Variants in COL4A5 observed in about 807,000 individuals in gnomAD.
The protein encoded by COL4A5 is collagen type IV alpha 5 chain.
COL4A5 carries 26 observed loss-of-function variants against 130.2 expected under a neutral mutation model. The observed-to-expected ratio is 0.20, with a 90% CI of 0.15 to 0.28. The LOEUF (loss-of-function observed/expected upper bound fraction) is 0.28. Ranked by LOEUF, COL4A5 falls within the 10% of genes least tolerant of loss-of-function variation. COL4A5 has a pLI of 1.00. For missense variants in COL4A5, 1,131 were observed against 1,344.3 expected (o/e 0.84, Z 2.48); for synonymous variants, 496 against 439.6 (o/e 1.13, Z -1.60).
chrX:108,617,405 A>G (rs1365251968), intron 30 of COL4A5, among the ~76,000 whole-genome samples: 3 of 111,789 alleles, frequency 2.7e-5, no homozygotes, highest in African/African-American at 9.7e-5. Context: ...TCTCTACTGT[A>G]GAATGTTTAC....
At chrX:108,603,388 A>C (rs991570658) in intron 28 of COL4A5, among the ~76,000 whole-genome samples, 1 of 111,385 alleles carries the variant, frequency 9.0e-6, no homozygotes, top group African/African-American at 3.3e-5. Context: ...AGTGAATATC[A>C]AAATAAAGTG....
chrX:108,474,179 A>G (rs1429751123), intron 1 of COL4A5, among the ~76,000 whole-genome samples: 2 of 111,682 alleles, frequency 1.8e-5, no homozygotes, highest in Non-Finnish European at 3.8e-5. Context: ...TACCCACTCA[A>G]CTGGTTCAAC....
In COL4A5 at chrX:108,484,118, A is replaced by G. The variant is rs138037144; in HGVS notation, c.81+43912A>G. Among the ~76,000 whole-genome samples the G allele has an allele frequency of 1.0e-3, 114 of 111,671 alleles. 4 individuals are homozygous for G. The East Asian group carries it at 0.031, about 30-fold the overall frequency. ...GTTTTTTGCTGTGCAGAAGCTTTTT[A>G]ATTTCAATATGTCAATTGCATTTTC... On this transcript the variant is annotated intron_variant, in intron 1 of 52. Coordinates refer to ENST00000328300, the MANE Select transcript of COL4A5 (RefSeq NM_033380.3).
At chrX:108,588,469 G>C (rs2066372851) in intron 19 of COL4A5, among the ~76,000 whole-genome samples, 1 of 110,970 alleles carries the variant, frequency 9.0e-6, no homozygotes, top group Admixed American at 9.6e-5. Context: ...TCAGGATGCA[G>C]TAAAAGAGAT....
Position 108,683,337 on chromosome X carries a change from C to G in COL4A5, c.4216+1449C>G, listed in dbSNP as rs776258143. 3.6e-5 allele frequency among the ~76,000 whole-genome samples: 4 copies of G among 111,598 alleles called. No homozygotes were observed. The South Asian group carries it at 1.5e-3, about 42-fold the overall frequency. ...AAGTCAGGTAGCGTGATGCCTCCAGCTTTATTCTTTTTGCTTATGATTGTC... is the reference window on the plus strand; with the variant it reads ...AAGTCAGGTAGCGTGATGCCTCCAGGTTTATTCTTTTTGCTTATGATTGTC... On this transcript the variant is annotated intron_variant, in intron 47 of 52. Coordinates refer to ENST00000328300, the MANE Select transcript of COL4A5 (RefSeq NM_033380.3).
intron 1 of COL4A5, among the ~76,000 whole-genome samples, chrX:108,535,371 G>T: frequency 9.1e-6 from 1 of 110,159 alleles, no homozygotes. Flanking sequence ...TATGCTTAAT[G>T]GTTTTTAATT....
rs104886282 is a variant in COL4A5, at chrX:108,687,641, G to T, written c.4475G>T (p.Gly1492Val). ...CAGGGAACACTTCAGGTCTATGAAG[G>T]CTTTTCTCTCCTGTATGTACAAGGA... ...CPQGTLQVYE[G>V]FSLLYVQGNK... The change falls in exon 49 of 53, where the codon GGC (glycine) becomes GTC (valine). Residue 1492 changes from glycine (G) to valine (V), a missense_variant. By Grantham distance (109) the Gly-to-Val change is moderately radical (BLOSUM62 -3). Transcript: ENST00000328300. 8.3e-7 allele frequency: 1 copy of T among 1,211,334 alleles called. No individual in the cohort carries two copies. The highest frequency in any genetic ancestry group is 1.1e-6 in the Non-Finnish European group (1 of 895,373).
intron 19 of COL4A5, among the ~76,000 whole-genome samples, chrX:108,587,293 C>T (rs2147789371): frequency 1.0e-5 from 1 of 95,717 alleles, no homozygotes; most frequent in South Asian, 3.9e-4. Flanking sequence ...CCCCTGGTAA[C>T]CATCATTCTA....
intron 1 of COL4A5, among the ~76,000 whole-genome samples, chrX:108,489,540 G>A (rs972037433): frequency 2.7e-5 from 3 of 111,806 alleles, no homozygotes; most frequent in African/African-American, 6.5e-5. Flanking sequence ...GTTTTTCCAC[G>A]TATTGTTTGC....
intron 18 of COL4A5, among the ~76,000 whole-genome samples, chrX:108,584,879 T>TGGGGTG (rs1487045698): frequency 7.1e-5 from 1 of 14,180 alleles, no homozygotes; most frequent in Non-Finnish European, 1.3e-4. Flanking sequence ...TTGGGGAAGT[T>TGGGGTG]GGGGTGGGGG....
intron 1 of COL4A5, among the ~76,000 whole-genome samples, chrX:108,535,852 A>AT (rs773357022): frequency 1.5e-4 from 16 of 106,539 alleles, no homozygotes; most frequent in East Asian, 2.9e-4. Flanking sequence ...TTTTCCAAGC[A>AT]TTTTTTTTTT....
At chrX:108,583,416 G>C (rs745475412) in intron 17 of COL4A5, among the ~76,000 whole-genome samples, 2 of 111,584 alleles carry the variant, frequency 1.8e-5, no homozygotes, top group Non-Finnish European at 3.8e-5. Context: ...TCTGACTGAG[G>C]TCATTTATTT....
intron 1 of COL4A5, among the ~76,000 whole-genome samples, chrX:108,532,908 A>G (rs188571954): frequency 3.0e-3 from 336 of 112,389 alleles, no homozygotes; most frequent in African/African-American, 0.01. Flanking sequence ...AAATGGAAAA[A>G]TATTTTATAC....
At chrX:108,443,256 A>C (rs1472633459) in intron 1 of COL4A5, among the ~76,000 whole-genome samples, 1 of 112,423 alleles carries the variant, frequency 8.9e-6, no homozygotes, top group Non-Finnish European at 1.9e-5. Context: ...ATTTAAAAGC[A>C]ATCTAAAAGC....
chrX:108,536,217 TG>T (rs2065454806), intron 1 of COL4A5, among the ~76,000 whole-genome samples: 1 of 111,067 alleles, frequency 9.0e-6, no homozygotes, highest in Non-Finnish European at 1.9e-5. Context: ...AAAAATTCAT[TG>T]TTTTCACATC....
chrX:108,694,679 C>T (rs2068700055), intron 50 of COL4A5, 128 bp from the exon 51 acceptor site: 2 of 543,640 alleles, frequency 3.7e-6, no homozygotes, highest in Admixed American at 2.6e-5. Context: ...TGCATTTTTT[C>T]ACCTTTTGTG....
At chrX:108,498,023 T>A (rs1162477638) in intron 1 of COL4A5, among the ~76,000 whole-genome samples, 2 of 111,662 alleles carry the variant, frequency 1.8e-5, no homozygotes, top group Non-Finnish European at 3.8e-5. Context: ...ATGAATCTAG[T>A]TTATCATTCT....
chrX:108,666,724 A>T, intron 39 of COL4A5, 130 bp downstream of exon 39: 2 of 582,568 alleles, frequency 3.4e-6, no homozygotes, highest in Non-Finnish European at 5.6e-6. Flanking sequence ...CCCTTTTCCT[A>T]GTTACCGTCT....
At chrX:108,518,904 T>C (rs764527250) in intron 1 of COL4A5, among the ~76,000 whole-genome samples, 1 of 111,465 alleles carries the variant, frequency 9.0e-6, no homozygotes, top group East Asian at 2.8e-4. Flanking sequence ...TCATAGGAAA[T>C]CTGGCAAAAT....
Sources: allele counts gnomAD v4.1 joint callset (sites outside exome capture counted in the v4.1 genomes callset), GRCh38; gene constraint gnomAD v4.1.1; transcripts MANE v1.5; gene names NCBI Gene and HGNC (gene_info 2026-07-23, HGNC 2026-07-21).